Variants in URB2 observed in about 807,000 individuals in gnomAD.
The protein encoded by URB2 is unhealthy ribosome biogenesis protein 2 homolog.
Under a neutral mutation model 120.9 loss-of-function variants are expected in URB2, and 86 were observed. That is an observed-to-expected ratio of 0.71 (90% CI 0.60 to 0.85). The LOEUF is 0.85. URB2 is among the 40% of genes least tolerant of loss of function. URB2 has a pLI of 0.00. For synonymous variants in URB2, 755 were observed against 758.4 expected, an observed-to-expected ratio of 1.00 and a Z score of 0.07; for missense variants, 1,765 against 1,836.5, an observed-to-expected ratio of 0.96 and a Z score of 0.71.
At position 229,635,240 on chromosome 1, in the gene URB2, G is replaced by A. The variant is rs1322138559; in HGVS notation, c.627G>A (p.Arg209=). The stretch of plus-strand genomic sequence containing the variant: ...TGCTCCAGCCGTGCCTGGTCCTGAG[G>A]CACTTACTCTCTGGGGGCACATGGA... ...AHLLQPCLVL[R]HLLSGGTWTQ... The change falls in exon 4 of 10, where the codon AGG becomes AGA. Residue 209 remains arginine (R), a synonymous_variant. Coordinates refer to ENST00000258243, the MANE Select transcript of URB2 (RefSeq NM_014777.4). 13 of 1,614,122 alleles carry A rather than the reference G, an allele frequency of 8.1e-6. No homozygotes were observed. The highest frequency in any genetic ancestry group is 1.1e-5 in the Non-Finnish European group (13 of 1,180,062).
intron 1 of URB2, among the ~76,000 whole-genome samples, chr1:229,626,714 G>GA (rs1235225070): frequency 6.6e-6 from 1 of 152,278 alleles, no homozygotes; most frequent in Non-Finnish European, 1.5e-5. Context: ...CGGAGCCGGG[G>GA]AGAGCATCTC....
At chr1:229,643,737 G>C in intron 5 of URB2, 44 bp downstream of exon 5, 1 of 1,590,884 alleles carries the variant, frequency 6.3e-7, no homozygotes, top group Middle Eastern at 2.1e-4. Context: ...CAGAAACCAC[G>C]TCGGCTCAAA....
At chr1:229,627,537 G>A (rs1318768112) in intron 1 of URB2, 84 bp from the exon 2 acceptor site, 1 of 1,339,438 alleles carries the variant, frequency 7.5e-7, no homozygotes, top group Non-Finnish European at 1.0e-6. Flanking sequence ...ACAAGATACA[G>A]TACTGCAATA....
At position 229,636,543 on chromosome 1, in the gene URB2, C is replaced by G; in HGVS notation, c.1930C>G (p.Leu644Val). The G allele has an allele frequency of 6.2e-7, 1 of 1,614,164 alleles. No individual in the cohort carries two copies. Among genetic ancestry groups the G allele is most frequent in the Non-Finnish European group, 8.5e-7 (1 of 1,179,992 alleles). Reference protein sequence around the residue: ...LIGVALEISNLPSLLPGVKTQ... With the variant: ...LIGVALEISNVPSLLPGVKTQ... Reference sequence around the variant, plus strand: ...AGGTGTTGCTCTGGAGATCTCGAACCTCCCTTCGTTGCTCCCAGGTGTAAA... The same window carrying G: ...AGGTGTTGCTCTGGAGATCTCGAACGTCCCTTCGTTGCTCCCAGGTGTAAA... The change falls in exon 4 of 10, where the codon CTC (leucine) becomes GTC (valine). Residue 644 changes from leucine to valine, a missense_variant. By Grantham distance (32) the Leu-to-Val change is conservative (BLOSUM62 1). Transcript: ENST00000258243.
At chr1:229,628,269 A>ATTATACATATATTATATATGTATATAT (rs71173753) in intron 2 of URB2, among the ~76,000 whole-genome samples, 2 of 147,676 alleles carry the variant, frequency 1.4e-5, no homozygotes, top group African/African-American at 5.0e-5. Context: ...ATATGTATAT[A>ATTATACATATATTATATATGTATATAT]AATTAGTCAG....
chr1:229,627,709 G>A lies in URB2; in HGVS notation c.76G>A (p.Ala26Thr). The part of the protein sequence containing the change: ...TTSWEDKLKL[A>T]HFAWISHQCF... ...TTCCTGGGAAGATAAACTAAAACTA[G>A]CTCACTTTGCTTGGATTTCTCACCA... Residue 26 changes from alanine (A) to threonine (T), a missense_variant, in exon 2 of 10, where the codon GCT (alanine) becomes ACT (threonine). Ala to Thr is a moderately conservative substitution (Grantham distance 58, BLOSUM62 0). Transcript: ENST00000258243. 1 of 1,612,950 alleles carries A rather than the reference G, an allele frequency of 6.2e-7. No individual in the cohort carries two copies. The highest frequency in any genetic ancestry group is 8.5e-7 in the Non-Finnish European group (1 of 1,179,412).
rs543085189 is a variant in URB2 at position 229,657,275 on chromosome 1, A to G, written c.4378-1825A>G. 3.9e-5 allele frequency among the ~76,000 whole-genome samples: 6 copies of G among 152,346 alleles called. No homozygotes were observed. The East Asian group carries it at 1.2e-3, about 29-fold the overall frequency. The stretch of plus-strand genomic sequence containing the variant: ...TTTATAAATAAGTTATCTGAAACCT[A>G]AAGATTTAAAGTGGTTGTGTTGTCT... On this transcript the variant is annotated intron_variant, in intron 9 of 9. Coordinates refer to ENST00000258243, the MANE Select transcript of URB2 (RefSeq NM_014777.4).
intron 4 of URB2, among the ~76,000 whole-genome samples, chr1:229,638,970 AG>A (rs2102788518): frequency 6.6e-6 from 1 of 152,326 alleles, no homozygotes; most frequent in African/African-American, 2.4e-5. Context: ...TCAGACTTTC[AG>A]TGCCATAAAT....
At chr1:229,630,382 C>T (rs57847728) in intron 2 of URB2, among the ~76,000 whole-genome samples, 1,959 of 152,284 alleles carry the variant, frequency 0.013, 44 homozygotes, top group African/African-American at 0.045. Context: ...ACATCTCCAT[C>T]GGAGCTCTTG....
chr1:229,654,881 C>T (rs1369834638), intron 9 of URB2, among the ~76,000 whole-genome samples: 1 of 152,188 alleles, frequency 6.6e-6, no homozygotes, highest in East Asian at 1.9e-4. Flanking sequence ...GATTATCTGT[C>T]TTGCTCTAGC....
Position 229,636,006 on chromosome 1 carries a change from C to T in URB2, c.1393C>T (p.Gln465Ter). Residue 465 changes from glutamine to a stop codon, truncating the protein, a stop_gained, in exon 4 of 10, where the codon CAA becomes TAA. Transcript: ENST00000258243. LOFTEE classifies it high-confidence loss of function. ...TVFQTYAKLR[Q>*]VPRLFEEVLG... ...CTTCCAGACTTATGCCAAACTCCGA[C>T]AAGTGCCACGGTTGTTTGAAGAGGT... The T allele has an allele frequency of 6.2e-7, 1 of 1,613,822 alleles. No homozygotes were observed.
At chr1:229,646,741 G>T (rs185734079) in intron 6 of URB2, among the ~76,000 whole-genome samples, 1 of 152,320 alleles carries the variant, frequency 6.6e-6, no homozygotes, top group Non-Finnish European at 1.5e-5. Context: ...GTCTGGTTCA[G>T]ATTGGGACTG....
chr1:229,635,964 G>A lies in URB2; in HGVS notation c.1351G>A (p.Ala451Thr). Residue 451 changes from alanine (A) to threonine (T), a missense_variant, in exon 4 of 10, where the codon GCG becomes ACG. Ala to Thr is a moderately conservative substitution (Grantham distance 58). Transcript: ENST00000258243. ...TEFRTKKAQE[A>T]LIRTVFQTYA... Reference sequence around the variant, plus strand: ...GTTTCGAACCAAAAAAGCCCAGGAGGCGCTTATTCGTACTGTCTTCCAGAC... The same window carrying A: ...GTTTCGAACCAAAAAAGCCCAGGAGACGCTTATTCGTACTGTCTTCCAGAC... 6.2e-7 allele frequency: 1 copy of A among 1,614,206 alleles called. No homozygotes were observed. Among genetic ancestry groups the A allele is most frequent in the South Asian group, 1.1e-5 (1 of 91,088 alleles).
At chr1:229,627,938 CA>C (rs1312514230) in intron 2 of URB2, among the ~76,000 whole-genome samples, 179 bp downstream of exon 2, 3 of 150,994 alleles carry the variant, frequency 2.0e-5, no homozygotes, top group African/African-American at 7.3e-5. Flanking sequence ...TTCATTAATA[CA>C]TTTTTTTTTT....
At chr1:229,629,182 C>A (rs1052133840) in intron 2 of URB2, among the ~76,000 whole-genome samples, 1 of 152,192 alleles carries the variant, frequency 6.6e-6, no homozygotes, top group African/African-American at 2.4e-5. Context: ...TAGGCACAGT[C>A]CTCCTTTTCA....
At chr1:229,651,100 A>C in intron 7 of URB2, 135 bp from the exon 8 acceptor site, 1 of 659,532 alleles carries the variant, frequency 1.5e-6, no homozygotes, top group Non-Finnish European at 2.3e-6. Flanking sequence ...GGATGTGGCT[A>C]TCCCTGGGCA....
chr1:229,633,841 A>T (rs1665727705), intron 3 of URB2, among the ~76,000 whole-genome samples: 1 of 152,138 alleles, frequency 6.6e-6, no homozygotes, highest in Admixed American at 6.5e-5. Context: ...TTTCCTTTTT[A>T]AAAAATTTTT....
rs761878270 is a variant in URB2 at position 229,659,178 on chromosome 1, G to A, written c.4456G>A (p.Val1486Ile). 105 of 1,613,434 alleles carry A rather than the reference G, an allele frequency of 6.5e-5. No homozygotes were observed. The highest frequency in any genetic ancestry group is 8.4e-5 in the Non-Finnish European group (99 of 1,180,042). The change falls in exon 10 of 10, where the codon GTC becomes ATC. Residue 1486 changes from valine (V) to isoleucine (I), a missense_variant. Val to Ile is a conservative substitution (Grantham distance 29). Coordinates refer to ENST00000258243, the MANE Select transcript of URB2 (RefSeq NM_014777.4). The stretch of plus-strand genomic sequence containing the variant: ...CCTGGACCTCTGCATCGAGCCTGAC[G>A]TCCAGTTCCTGCGGGCCTCGCTGCA... The part of the protein sequence containing the change: ...LILDLCIEPD[V>I]QFLRASLQPG...
At chr1:229,626,948 A>G (rs1048748911) in intron 1 of URB2, among the ~76,000 whole-genome samples, 1 of 152,220 alleles carries the variant, frequency 6.6e-6, no homozygotes, top group Non-Finnish European at 1.5e-5. Flanking sequence ...CCTTTTTACT[A>G]TAACTTTTAG....
Sources: gnomAD v4.1 joint callset for allele counts (sites outside exome capture counted in the v4.1 genomes callset) on GRCh38, gnomAD v4.1.1 for gene constraint, MANE v1.5 for transcripts, NCBI Gene and HGNC (gene_info 2026-07-23, HGNC 2026-07-21) for gene names.